The following BNC2 variants were observed in gnomAD, a reference collection of about 807,000 sequenced individuals.
BNC2 encodes the protein zinc finger protein basonuclin-2.
A neutral mutation model predicts 76.3 loss-of-function variants in BNC2; 20 were observed. The ratio of observed to expected loss-of-function variants is 0.26; its 90% confidence interval spans 0.18 to 0.38. The LOEUF (loss-of-function observed/expected upper bound fraction) is 0.38. BNC2 is among the 10% of genes least tolerant of loss of function. BNC2 has a pLI of 1.00. For missense variants in BNC2, 1,382 were observed against 1,399.8 expected (o/e 0.99, Z 0.20); for synonymous variants, 582 against 514.8 (o/e 1.13, Z -1.77).
intron 5 of BNC2, among the ~76,000 whole-genome samples, chr9:16,542,030 C>T (rs1818336993): frequency 6.6e-6 from 1 of 152,066 alleles, no homozygotes; most frequent in Non-Finnish European, 1.5e-5. Flanking sequence ...AGGAAAAGCA[C>T]ATTAAAATAA....
At chr9:16,793,727 G>T (rs958338378) in intron 1 of BNC2, among the ~76,000 whole-genome samples, 2 of 133,914 alleles carry the variant, frequency 1.5e-5, no homozygotes, top group Admixed American at 1.9e-4. Flanking sequence ...GTGCAGTGGC[G>T]TGATCTGGGC....
chr9:16,792,337 G>A (rs142636183), intron 1 of BNC2, among the ~76,000 whole-genome samples: 12 of 152,316 alleles, frequency 7.9e-5, no homozygotes, highest in African/African-American at 2.9e-4. Flanking sequence ...CTCAGGAAGT[G>A]TAACTCCGTA....
At chr9:16,465,350 C>T (rs1046022414) in intron 5 of BNC2, among the ~76,000 whole-genome samples, 1 of 149,908 alleles carries the variant, frequency 6.7e-6, no homozygotes, top group Non-Finnish European at 1.5e-5. Context: ...GCATGAGAAT[C>T]GCTTGAACCC....
chr9:16,411,268 G>A lies in BNC2; in HGVS notation c.*7721C>T, dbSNP rs1354926874. On this transcript the variant is annotated 3_prime_UTR_variant, in exon 7 of 7. Transcript: ENST00000380672. ...GTGCATTATCTCAACATCACATTTGGCAACAGGAAGCCCTATAAAATCTTG... is the reference window on the plus strand; with the variant it reads ...GTGCATTATCTCAACATCACATTTGACAACAGGAAGCCCTATAAAATCTTG... 6.6e-6 allele frequency: 1 copy of A among 152,516 alleles called. No individual in the cohort carries two copies. The highest frequency in any genetic ancestry group is 1.5e-5 in the Non-Finnish European group (1 of 68,018). 9.4% of individuals were successfully genotyped at this position (152,516 alleles called of 1,614,324 possible).
At chr9:16,840,093 G>T (rs893325003) in intron 1 of BNC2, among the ~76,000 whole-genome samples, 1 of 152,126 alleles carries the variant, frequency 6.6e-6, no homozygotes, top group African/African-American at 2.4e-5. Flanking sequence ...CAGATAAGGA[G>T]GTCTAAAGAA....
chr9:16,663,976 G>A (rs73645839), intron 3 of BNC2, among the ~76,000 whole-genome samples: 1 of 152,228 alleles, frequency 6.6e-6, no homozygotes, highest in African/African-American at 2.4e-5. Context: ...TAAGCCCCTG[G>A]CAAGAAAAGG....
rs563048376 is a variant in BNC2 at position 16,621,229 on chromosome 9, G to T, written c.331-38144C>A. ...AGACTTTGCCAATTTCTTTTGTCTG[G>T]GATTGTGAATTCCTTACACAGATGG... is the stretch of plus-strand genomic sequence containing the variant. On this transcript the variant is annotated intron_variant, in intron 3 of 6. Transcript: ENST00000380672. 7.2e-5 allele frequency among the ~76,000 whole-genome samples: 11 copies of T among 152,226 alleles called. No homozygotes were observed. The East Asian group carries it at 2.1e-3, about 29-fold the overall frequency.
intron 5 of BNC2, among the ~76,000 whole-genome samples, chr9:16,525,057 C>G (rs1227164543): frequency 7.3e-6 from 1 of 136,702 alleles, no homozygotes; most frequent in Non-Finnish European, 1.6e-5. Flanking sequence ...GGGTGACAGA[C>G]AGAGACCCGG....
At chr9:16,738,920 T>G (rs563429180) in intron 1 of BNC2, among the ~76,000 whole-genome samples, 99 of 145,616 alleles carry the variant, frequency 6.8e-4, no homozygotes, top group Non-Finnish European at 1.2e-3. Context: ...GTTTACAATC[T>G]AGTACAGGAG....
intron 3 of BNC2, among the ~76,000 whole-genome samples, chr9:16,664,690 G>GA (rs199661319): frequency 1.5e-5 from 2 of 137,834 alleles, no homozygotes; most frequent in Non-Finnish European, 3.1e-5. Context: ...GGGTATTCAG[G>GA]AAAAAAACAA....
intron 4 of BNC2, among the ~76,000 whole-genome samples, chr9:16,581,099 T>C (rs1337702646): frequency 6.6e-6 from 1 of 152,248 alleles, no homozygotes. Context: ...TATGGGCTTG[T>C]GTTCTCCCAA....
intron 3 of BNC2, among the ~76,000 whole-genome samples, chr9:16,610,131 GA>G (rs371966967): frequency 1.1e-3 from 38 of 34,916 alleles, no homozygotes; most frequent in African/African-American, 2.4e-3. Flanking sequence ...TGAGGGAAGG[GA>G]AAAGGGGTGG....
intron 4 of BNC2, among the ~76,000 whole-genome samples, chr9:16,559,086 G>T (rs976497225): frequency 1.3e-5 from 2 of 152,064 alleles, no homozygotes; most frequent in Non-Finnish European, 2.9e-5. Context: ...TTACAAAGAG[G>T]GACGAATGCC....
chr9:16,551,053 G>A (rs537907946), intron 5 of BNC2, among the ~76,000 whole-genome samples: 152 of 152,094 alleles, frequency 1.0e-3, no homozygotes, highest in African/African-American at 3.3e-3. Context: ...CCCCCTGACC[G>A]TCCAAGACTT....
At chr9:16,422,754 G>A (rs1037381137) in intron 6 of BNC2, among the ~76,000 whole-genome samples, 3 of 152,154 alleles carry the variant, frequency 2.0e-5, no homozygotes, top group Non-Finnish European at 2.9e-5. Context: ...AGAGGGTACC[G>A]ATCCTACCCA....
At chr9:16,683,466 G>T (rs942971584) in intron 3 of BNC2, among the ~76,000 whole-genome samples, 1 of 152,170 alleles carries the variant, frequency 6.6e-6, no homozygotes, top group South Asian at 2.1e-4. Flanking sequence ...AAAACCTCTA[G>T]TGATGATAAT....
chr9:16,704,253 C>T (rs988601935), intron 3 of BNC2, among the ~76,000 whole-genome samples: 1 of 152,138 alleles, frequency 6.6e-6, no homozygotes, highest in African/African-American at 2.4e-5. Context: ...ATCATACACA[C>T]CCTCAGTAAC....
At chr9:16,542,140 A>G (rs1275567557) in intron 5 of BNC2, among the ~76,000 whole-genome samples, 1 of 152,178 alleles carries the variant, frequency 6.6e-6, no homozygotes, top group Non-Finnish European at 1.5e-5. Context: ...GAGAACAAGG[A>G]AATCAGGTTA....
chr9:16,858,117 T>C (rs991431361), intron 1 of BNC2, among the ~76,000 whole-genome samples: 2 of 152,248 alleles, frequency 1.3e-5, no homozygotes, highest in East Asian at 3.8e-4. Flanking sequence ...TTTATCTCTG[T>C]TGGTGTTTTT....
Sources: allele counts gnomAD v4.1 joint callset (sites outside exome capture counted in the v4.1 genomes callset), GRCh38; gene constraint gnomAD v4.1.1; transcripts MANE v1.5; gene names NCBI Gene and HGNC (gene_info 2026-07-23, HGNC 2026-07-21).